The following FUT8 variants were observed in gnomAD, a reference collection of about 807,000 sequenced individuals.
The protein encoded by FUT8 is alpha-(1,6)-fucosyltransferase.
FUT8 carries 29 observed loss-of-function variants against 71.3 expected under a neutral mutation model. That is an observed-to-expected ratio of 0.41 (90% CI 0.30 to 0.55). The LOEUF is 0.55. Among genes scored for constraint, FUT8 ranks in the 20% least tolerant of loss-of-function variants. The pLI is 0.34. For missense variants in FUT8, 544 were observed against 702.1 expected (o/e 0.77, Z 2.55); for synonymous variants, 254 against 239.3 (o/e 1.06, Z -0.57).
At chr14:65,670,865 T>C (rs930699579) in intron 7 of FUT8, among the ~76,000 whole-genome samples, 12 of 152,182 alleles carry the variant, frequency 7.9e-5, no homozygotes, top group African/African-American at 2.9e-4. Flanking sequence ...GTAGGGTGTT[T>C]TAGAAGCCTT....
At chr14:65,726,677 G>C (rs1252639825) in intron 9 of FUT8, among the ~76,000 whole-genome samples, 1 of 151,954 alleles carries the variant, frequency 6.6e-6, no homozygotes. Context: ...TTCCACCCCT[G>C]GCCACTCCCA....
intron 2 of FUT8, among the ~76,000 whole-genome samples, chr14:65,509,115 T>C (rs1216529862): frequency 6.6e-6 from 1 of 152,158 alleles, no homozygotes; most frequent in Non-Finnish European, 1.5e-5. Flanking sequence ...TGGTGAGAGA[T>C]AGGAGTCTAG....
intron 2 of FUT8, among the ~76,000 whole-genome samples, chr14:65,479,223 C>T (rs2066292265): frequency 6.6e-6 from 1 of 152,070 alleles, no homozygotes; most frequent in African/African-American, 2.4e-5. Context: ...TAATACATGG[C>T]GTCTATATCC....
At chr14:65,440,949 A>G (rs1180862638) in intron 1 of FUT8, among the ~76,000 whole-genome samples, 1 of 152,202 alleles carries the variant, frequency 6.6e-6, no homozygotes, top group Non-Finnish European at 1.5e-5. Flanking sequence ...AACAATTTAT[A>G]ACTGTGGAAT....
At chr14:65,384,478 A>G in the FUT8 span, among the ~76,000 whole-genome samples, 1 of 152,188 alleles carries the variant, frequency 6.6e-6, no homozygotes, top group African/African-American at 2.4e-5. This position sits in a 1 kb window ranked among gnomAD's most constrained non-coding sequence, Gnocchi z 4.2. Context: ...GTCACCTTTT[A>G]TGTAAAGTCT....
chr14:65,576,991 C>G (rs1362304610), intron 3 of FUT8, among the ~76,000 whole-genome samples: 1 of 151,700 alleles, frequency 6.6e-6, no homozygotes, highest in Non-Finnish European at 1.5e-5. Context: ...GCATGAGCCA[C>G]CACGCCTGGC....
chr14:65,619,382 G>C (rs918209360), intron 5 of FUT8, among the ~76,000 whole-genome samples: 2 of 152,032 alleles, frequency 1.3e-5, no homozygotes, highest in Admixed American at 6.6e-5. Context: ...CTAGTAGTCA[G>C]GGCACCATGT....
chr14:65,717,348 G>T lies in FUT8; in HGVS notation c.836-4427G>T, dbSNP rs185169551. Among the ~76,000 whole-genome samples, 116 of 147,066 alleles carry T rather than the reference G, an allele frequency of 7.9e-4. 1 individual carries two copies. In the East Asian group the frequency reaches 0.016, roughly 20 times the overall value. Reference sequence around the variant, plus strand: ...ACCTCCCAGACAGGGCAGCCGGGCAGAGACGCTCCTCACTTCCCAGACGGG... The same window carrying T: ...ACCTCCCAGACAGGGCAGCCGGGCATAGACGCTCCTCACTTCCCAGACGGG... On this transcript the variant is annotated intron_variant, in intron 7 of 10. Coordinates refer to ENST00000673929, the MANE Select transcript of FUT8 (RefSeq NM_001371533.1).
intron 9 of FUT8, among the ~76,000 whole-genome samples, chr14:65,729,619 A>G (rs933164385): frequency 2.6e-5 from 4 of 151,452 alleles, no homozygotes; most frequent in Non-Finnish European, 4.4e-5. Context: ...GGGCTCAATG[A>G]TCCTCCCACC....
chr14:65,680,985 A>G (rs1893009749), intron 7 of FUT8, among the ~76,000 whole-genome samples: 1 of 152,194 alleles, frequency 6.6e-6, no homozygotes, highest in Non-Finnish European at 1.5e-5. Flanking sequence ...TATACTGGGA[A>G]CATGTAATTC....
At position 65,638,208 on chromosome 14, in the gene FUT8, A is replaced by G. The variant is rs566973686; in HGVS notation, c.597+8602A>G. On this transcript the variant is annotated intron_variant, in intron 6 of 10. Coordinates refer to ENST00000673929, the MANE Select transcript of FUT8 (RefSeq NM_001371533.1). This position sits in a 1 kb window ranked among gnomAD's most constrained non-coding sequence, Gnocchi z 4.5. ...CCTTCTCCCAAGACCCTCCGTCTCT[A>G]TCTGCCTAACCAGCCCCTAACTGCC... 8.2e-4 allele frequency among the ~76,000 whole-genome samples: 125 copies of G among 152,170 alleles called. No homozygotes were observed. Among genetic ancestry groups the G allele is most frequent in the African/African-American group, 2.9e-3 (119 of 41,534 alleles).
intron 2 of FUT8, among the ~76,000 whole-genome samples, chr14:65,535,233 A>G (rs1433741814): frequency 6.6e-6 from 1 of 151,846 alleles, no homozygotes; most frequent in Non-Finnish European, 1.5e-5. Flanking sequence ...ATGAGTAGCT[A>G]GGATTACTGA....
chr14:65,667,717 G>A (rs1470518030), intron 6 of FUT8, among the ~76,000 whole-genome samples: 1 of 152,192 alleles, frequency 6.6e-6, no homozygotes. Flanking sequence ...AATAGCCAAA[G>A]CCATCCTAAG....
rs778321379 is a variant in FUT8 at position 65,608,439 on chromosome 14, G to A, written c.204-7539G>A. 1.4e-4 allele frequency among the ~76,000 whole-genome samples: 21 copies of A among 151,848 alleles called. 1 individual carries two copies. Among genetic ancestry groups the A allele is most frequent in the African/African-American group, 1.9e-4 (8 of 41,382 alleles). On this transcript the variant is annotated intron_variant, in intron 3 of 10. Coordinates refer to ENST00000673929, the MANE Select transcript of FUT8 (RefSeq NM_001371533.1). Reference sequence around the variant, plus strand: ...GAAAAGTTTAATTTCTCAGAGAGCCGTGTAATCATTTCATTTAGGCTACAA... The same window carrying A: ...GAAAAGTTTAATTTCTCAGAGAGCCATGTAATCATTTCATTTAGGCTACAA...
At chr14:65,611,189 ACACACACACGCGCGCGCGCGCG>A (rs1383939061) in intron 3 of FUT8, among the ~76,000 whole-genome samples, 1 of 10,958 alleles carries the variant, frequency 9.1e-5, no homozygotes, top group African/African-American at 3.8e-4. Flanking sequence ...TGTCATACAC[ACACACACACGCGCGCGCGCGCG>A]CGCGCGCGCG....
At chr14:65,449,955 TTTCTC>T (rs895497613) in intron 1 of FUT8, among the ~76,000 whole-genome samples, 1 of 152,210 alleles carries the variant, frequency 6.6e-6, no homozygotes, top group Non-Finnish European at 1.5e-5. Context: ...ACACAGTACT[TTTCTC>T]TTTTTCTTAA....
rs955136569 is a variant in FUT8 at position 65,638,885 on chromosome 14, A to G, written c.597+9279A>G. The stretch of plus-strand genomic sequence containing the variant: ...TAACCAAAATAAAGCCAGAAGTGGT[A>G]ATATCTGTAACTCATTAGAAAAAGT... On this transcript the variant is annotated intron_variant, in intron 6 of 10. Transcript: ENST00000673929. This position sits in a 1 kb window ranked among gnomAD's most constrained non-coding sequence, Gnocchi z 4.5. Among the ~76,000 whole-genome samples the G allele has an allele frequency of 5.9e-5, 9 of 152,218 alleles. No individual in the cohort carries two copies. The highest frequency in any genetic ancestry group is 2.2e-4 in the African/African-American group (9 of 41,468).
intron 6 of FUT8, among the ~76,000 whole-genome samples, chr14:65,631,871 C>T (rs914011147): frequency 1.4e-5 from 2 of 146,114 alleles, no homozygotes; most frequent in Admixed American, 6.8e-5. Flanking sequence ...CCCTCCAAGT[C>T]CCCAAAGTTC....
At chr14:65,561,835 TC>T in intron 3 of FUT8, 69 bp downstream of exon 3, 1 of 1,250,120 alleles carries the variant, frequency 8.0e-7, no homozygotes, top group Non-Finnish European at 1.2e-6. Flanking sequence ...AGGGCTTCAT[TC>T]CGCTAGGAAA....
Sources: gnomAD v4.1 joint callset for allele counts (sites outside exome capture counted in the v4.1 genomes callset) on GRCh38, gnomAD v4.1.1 for gene constraint, Gnocchi (gnomAD v3.1) non-coding constraint, MANE v1.5 for transcripts, NCBI Gene and HGNC (gene_info 2026-07-23, HGNC 2026-07-21) for gene names.